Variants in JPH2 observed in about 807,000 individuals in gnomAD.
JPH2 encodes the protein junctophilin 2.
A neutral mutation model predicts 55.9 loss-of-function variants in JPH2; 38 were observed. That is an observed-to-expected ratio of 0.68 (90% CI 0.52 to 0.89). The LOEUF is 0.89. Ranked by LOEUF, JPH2 falls within the 40% of genes least tolerant of loss-of-function variation. The pLI is 0.00. For synonymous variants in JPH2, 480 were observed against 472.4 expected (o/e 1.02, Z -0.21); for missense variants, 964 against 1,037.6 (o/e 0.93, Z 0.97).
chr20:44,142,661 G>C (rs2072466230), intron 2 of JPH2, among the ~76,000 whole-genome samples: 1 of 152,190 alleles, frequency 6.6e-6, no homozygotes, highest in African/African-American at 2.4e-5. Flanking sequence ...CCGACCACAG[G>C]CTCTGTCTTT....
At chr20:44,116,607 G>A (rs1410158876) in intron 3 of JPH2, among the ~76,000 whole-genome samples, 2 of 152,170 alleles carry the variant, frequency 1.3e-5, no homozygotes, top group Admixed American at 1.3e-4. Context: ...CTCAAAGGGA[G>A]GCTCTGAGAG....
chr20:44,174,422 G>T (rs1432357005), intron 1 of JPH2, among the ~76,000 whole-genome samples: 1 of 152,154 alleles, frequency 6.6e-6, no homozygotes, highest in Non-Finnish European at 1.5e-5. Context: ...CATCCTGAGG[G>T]CTCCTTATTA....
intron 2 of JPH2, among the ~76,000 whole-genome samples, chr20:44,148,899 TAA>T (rs531841890): frequency 6.6e-6 from 1 of 151,830 alleles, no homozygotes; most frequent in South Asian, 2.1e-4. Context: ...CCGTCTCTAC[TAA>T]AAAAATACAA....
At chr20:44,128,527 A>T (rs2072293031) in intron 2 of JPH2, among the ~76,000 whole-genome samples, 1 of 152,110 alleles carries the variant, frequency 6.6e-6, no homozygotes. Context: ...GGTGGGTGAC[A>T]TGTTCATAAT....
At chr20:44,146,642 C>T (rs926929834) in intron 2 of JPH2, among the ~76,000 whole-genome samples, 1 of 152,186 alleles carries the variant, frequency 6.6e-6, no homozygotes, top group Admixed American at 6.5e-5. Context: ...CCTACCTATC[C>T]AGGCATCTCA....
At position 44,115,758 on chromosome 20, in the gene JPH2, C is replaced by T. The variant is rs1182800633; in HGVS notation, c.1917G>A (p.Lys639=). 18 of 1,612,648 alleles carry T rather than the reference C, an allele frequency of 1.1e-5. No individual in the cohort carries two copies. Among genetic ancestry groups the T allele is most frequent in the East Asian group, 2.2e-5 (1 of 44,886 alleles). Residue 639 remains lysine, a synonymous_variant, in exon 4 of 6, where the codon AAG becomes AAA. Coordinates refer to ENST00000372980, the MANE Select transcript of JPH2 (RefSeq NM_020433.5). ...PKAEPRAKAR[K]TEARGLTKAG... ...CCTTGGTCAGCCCTCGAGCCTCAGT[C>T]TTGCGGGCCTTGGCCCTGGGCTCGG...
intron 1 of JPH2, among the ~76,000 whole-genome samples, chr20:44,173,767 A>T (rs1359246200): frequency 6.6e-6 from 1 of 152,164 alleles, no homozygotes. Context: ...CACAAAAATT[A>T]GCCTGGCGTG....
Position 44,112,861 on chromosome 20 carries a change from G to A in JPH2, c.*657C>T, listed in dbSNP as rs1485971382. 6.6e-6 allele frequency: 1 copy of A among 152,312 alleles called. No individual in the cohort carries two copies. Among genetic ancestry groups the A allele is most frequent in the Non-Finnish European group, 1.5e-5 (1 of 68,112 alleles). 9.4% of individuals were successfully genotyped at this position (152,312 alleles called of 1,614,324 possible). A position where few individuals can be genotyped will look rare whatever the true frequency, so the allele number is the denominator to read the frequency against. ...GGGTCTCCCCTCGTCTATTGGTCCAGAAGGGAAGCTAACTGGACTGGTGGG... is the reference window on the plus strand; with the variant it reads ...GGGTCTCCCCTCGTCTATTGGTCCAAAAGGGAAGCTAACTGGACTGGTGGG... On this transcript the variant is annotated 3_prime_UTR_variant, in exon 6 of 6. Coordinates refer to ENST00000372980, the MANE Select transcript of JPH2 (RefSeq NM_020433.5).
intron 1 of JPH2, among the ~76,000 whole-genome samples, chr20:44,167,270 C>T (rs549946285): frequency 6.6e-6 from 1 of 152,250 alleles, no homozygotes; most frequent in Admixed American, 6.5e-5. Context: ...CTTTGCCTTC[C>T]AAGAGGGAGG....
chr20:44,163,418 A>G (rs976134997), intron 1 of JPH2, among the ~76,000 whole-genome samples: 3 of 152,318 alleles, frequency 2.0e-5, no homozygotes, highest in Non-Finnish European at 2.9e-5. Context: ...AGGAGGGCAC[A>G]TCTAGATGCT....
At chr20:44,146,077 A>T (rs1408317380) in intron 2 of JPH2, among the ~76,000 whole-genome samples, 1 of 142,644 alleles carries the variant, frequency 7.0e-6, no homozygotes, top group Non-Finnish European at 1.5e-5. Flanking sequence ...TCGGTTGCCC[A>T]GGCTACAGTG....
rs1036840123 is a variant in JPH2 at position 44,117,321 on chromosome 20, T to A, written c.1289-935A>T. 1.6e-4 allele frequency among the ~76,000 whole-genome samples: 25 copies of A among 152,236 alleles called. 1 individual carries two copies. Among genetic ancestry groups the A allele is most frequent in the Non-Finnish European group, 3.1e-4 (21 of 68,010 alleles). On this transcript the variant is annotated intron_variant, in intron 3 of 5. Coordinates refer to ENST00000372980, the MANE Select transcript of JPH2 (RefSeq NM_020433.5). ...AAACCTTCATCGCAGAGAATCCCCA[T>A]CTCTGTCCCTCAGGGGTTCCCACCA...
intron 1 of JPH2, among the ~76,000 whole-genome samples, chr20:44,164,110 A>G (rs2072636630): frequency 6.6e-6 from 1 of 152,214 alleles, no homozygotes; most frequent in Non-Finnish European, 1.5e-5. Context: ...CAGAACTGGG[A>G]TTTGAACTAA....
At chr20:44,155,553 T>C (rs899184729) in intron 2 of JPH2, among the ~76,000 whole-genome samples, 7 of 152,130 alleles carry the variant, frequency 4.6e-5, no homozygotes, top group Non-Finnish European at 7.3e-5. Context: ...CCCTCTTGAG[T>C]GTGGGCTGCA....
At chr20:44,172,506 G>A (rs542895889) in intron 1 of JPH2, among the ~76,000 whole-genome samples, 9 of 152,068 alleles carry the variant, frequency 5.9e-5, no homozygotes, top group African/African-American at 1.9e-4. Flanking sequence ...GTTTTGTTTC[G>A]TTTCGAGACA....
intron 2 of JPH2, among the ~76,000 whole-genome samples, chr20:44,126,168 G>GAGGGAGGGAGGAAGGA (rs1555854536): frequency 2.8e-5 from 1 of 36,326 alleles, no homozygotes; most frequent in Non-Finnish European, 5.1e-5. Flanking sequence ...GGGAGGGAGG[G>GAGGGAGGGAGGAAGGA]AGGAAGGAAG....
intron 1 of JPH2, chr20:44,176,727 G>A (rs997349525): frequency 5.3e-5 from 17 of 318,442 alleles, no homozygotes; most frequent in Non-Finnish European, 7.3e-5. Context: ...CCAGGAGGTC[G>A]AGGCTGCAGT....
Position 44,160,047 on chromosome 20 carries a change from C to T in JPH2, c.740G>A (p.Ser247Asn). The change falls in exon 2 of 6, where the codon AGC becomes AAC. Residue 247 changes from serine (S) to asparagine (N), a missense_variant. Coordinates refer to ENST00000372980, the MANE Select transcript of JPH2 (RefSeq NM_020433.5). This position sits in a 1 kb window ranked among gnomAD's most constrained non-coding sequence, Gnocchi z 4.9. ...CGAGCTGAGGTCGCTCTTAAGGAAG[C>T]TGACACGGCTGCGCTGGCTACCCAC... ...TSVGSQRSRV[S>N]FLKSDLSSGA... 6.5e-7 allele frequency: 1 copy of T among 1,549,572 alleles called. No individual in the cohort carries two copies.
Position 44,109,308 on chromosome 20 carries a change from C to A in JPH2, c.*4210G>T, listed in dbSNP as rs2072126302. The stretch of plus-strand genomic sequence containing the variant: ...CTGCGAAGAATGGAAAATAGCAGTG[C>A]ATTTACCATCTGCTCACACCATGCT... On this transcript the variant is annotated 3_prime_UTR_variant, in exon 6 of 6. Coordinates refer to ENST00000372980, the MANE Select transcript of JPH2 (RefSeq NM_020433.5). Among the ~76,000 whole-genome samples, 1 of 152,264 alleles carries A rather than the reference C, an allele frequency of 6.6e-6. No homozygotes were observed.
Sources: gnomAD v4.1 joint callset for allele counts (sites outside exome capture counted in the v4.1 genomes callset) on GRCh38, gnomAD v4.1.1 for gene constraint, Gnocchi (gnomAD v3.1) non-coding constraint, MANE v1.5 for transcripts, NCBI Gene and HGNC (gene_info 2026-07-23, HGNC 2026-07-21) for gene names.